The following XKR9 variants were observed in gnomAD, a reference collection of about 807,000 sequenced individuals.
XKR9 encodes XK related 9, also known as XK-related protein 9.
In XKR9, 32 loss-of-function variants were observed where a neutral mutation model predicts 32.0. The observed-to-expected ratio is 1.00, with a 90% CI of 0.76 to 1.34. The LOEUF (loss-of-function observed/expected upper bound fraction) is 1.34. XKR9 is among the 40% of genes most tolerant of loss of function. The probability of loss-of-function intolerance (pLI) is 0.00; values close to 1 mark genes in which losing one functional copy is unlikely to be tolerated. For missense variants in XKR9, 546 were observed against 429.7 expected, an observed-to-expected ratio of 1.27 and a Z score of -2.39; for synonymous variants, 168 against 143.4, an observed-to-expected ratio of 1.17 and a Z score of -1.22.
the XKR9 span, among the ~76,000 whole-genome samples, chr8:71,005,260 G>A: frequency 7.2e-5 from 9 of 124,476 alleles, no homozygotes; most frequent in East Asian, 2.2e-4. Context: ...TTCGCTCTTC[G>A]TGCCCAGGCT....
chr8:70,885,088 CT>C, the XKR9 span, among the ~76,000 whole-genome samples: 165 of 148,940 alleles, frequency 1.1e-3, no homozygotes, highest in African/African-American at 2.0e-3. Flanking sequence ...AGATCTTATA[CT>C]TTTTTTTTTC....
the XKR9 span, among the ~76,000 whole-genome samples, chr8:70,906,376 C>G: frequency 6.6e-6 from 1 of 152,158 alleles, no homozygotes; most frequent in African/African-American, 2.4e-5. Flanking sequence ...AATTTTTAGA[C>G]TTGAGGTTAG....
the XKR9 span, among the ~76,000 whole-genome samples, chr8:71,049,756 G>A: frequency 5.9e-5 from 9 of 152,134 alleles, no homozygotes; most frequent in Non-Finnish European, 7.4e-5. Flanking sequence ...GAAGAGCCTC[G>A]TTTAAGGAAC....
At chr8:70,806,649 A>G in the XKR9 span, among the ~76,000 whole-genome samples, 1 of 152,220 alleles carries the variant, frequency 6.6e-6, no homozygotes, top group African/African-American at 2.4e-5. Flanking sequence ...GAATTGACTG[A>G]GCAGAAGAAA....
In XKR9 at chr8:70,734,543, G is replaced by A; in HGVS notation, c.*119G>A. On this transcript the variant is annotated 3_prime_UTR_variant, in exon 5 of 5. Transcript: ENST00000408926. ...CCACCTTTAATTTGAAATTAGTTCA[G>A]TGAAATAGGAGATACATAGTAGTAT... is the stretch of plus-strand genomic sequence containing the variant. 5.4e-6 allele frequency: 7 copies of A among 1,296,182 alleles called. No homozygotes were observed. Among genetic ancestry groups the A allele is most frequent in the Non-Finnish European group, 6.0e-6 (6 of 1,004,720 alleles). The allele number at this position is 1,296,182 out of a possible 1,614,324, so 80.3% of individuals were successfully genotyped here.
chr8:70,671,055 A>G (rs1170370115), intron 1 of XKR9, among the ~76,000 whole-genome samples: 1 of 152,152 alleles, frequency 6.6e-6, no homozygotes, highest in East Asian at 1.9e-4. Context: ...TTATTTACTT[A>G]CAGGGTCTGG....
At chr8:70,706,881 C>T in intron 3 of XKR9, 52 bp from the exon 4 acceptor site, 1 of 1,416,334 alleles carries the variant, frequency 7.1e-7, no homozygotes, top group Non-Finnish European at 9.7e-7. Flanking sequence ...TATTAACAGA[C>T]ATGTTACAAA....
chr8:70,794,511 TGAGA>T (rs2130276675), downstream of XKR9, among the ~76,000 whole-genome samples: 2 of 152,234 alleles, frequency 1.3e-5, no homozygotes, highest in African/African-American at 4.8e-5. Flanking sequence ...TTTATTAGAT[TGAGA>T]AAGTTCTGTT....
chr8:70,943,284 G>A, the XKR9 span, among the ~76,000 whole-genome samples: 1 of 152,094 alleles, frequency 6.6e-6, no homozygotes, highest in South Asian at 2.1e-4. Flanking sequence ...TTTAACAATT[G>A]TTGGTCAAAT....
At chr8:70,728,084 T>TAAACTAG (rs965653667) in intron 4 of XKR9, among the ~76,000 whole-genome samples, 1 of 152,180 alleles carries the variant, frequency 6.6e-6, no homozygotes. Context: ...TATCTTTTTT[T>TAAACTAG]AAACTAGAAA....
the XKR9 span, among the ~76,000 whole-genome samples, chr8:71,022,032 AT>A: frequency 2.0e-5 from 3 of 152,166 alleles, no homozygotes; most frequent in African/African-American, 7.2e-5. Context: ...GTAGAGGTCC[AT>A]TTCCATTCTT....
the XKR9 span, among the ~76,000 whole-genome samples, chr8:70,998,516 A>G: frequency 4.6e-5 from 7 of 152,216 alleles, no homozygotes; most frequent in Non-Finnish European, 1.0e-4. Context: ...ATGTGAATCA[A>G]AATTTAGTTC....
the XKR9 span, among the ~76,000 whole-genome samples, chr8:70,859,155 C>CA: frequency 6.6e-6 from 1 of 151,798 alleles, no homozygotes. Context: ...AACTCAATAG[C>CA]AAAAAACCAA....
rs769796311 is a variant in XKR9 at position 70,734,360 on chromosome 8, G to A, written c.1058G>A (p.Cys353Tyr). ...CCAAACAGAAGTGCAGAAACAAAAT[G>A]TGATGAAATTGATGGAAAACCAGTT... is the stretch of plus-strand genomic sequence containing the variant. ...FHPNRSAETK[C>Y]DEIDGKPVLR... is the part of the protein sequence containing the mutation. Residue 353 changes from cysteine (C) to tyrosine (Y), a missense_variant, in exon 5 of 5, where the codon TGT becomes TAT. Cys to Tyr is a radical substitution (Grantham distance 194). Coordinates refer to ENST00000408926, the MANE Select transcript of XKR9 (RefSeq NM_001011720.2). 8.7e-6 allele frequency: 14 copies of A among 1,610,454 alleles called. No individual in the cohort carries two copies. In the African/African-American group the frequency reaches 1.1e-4, roughly 12 times the overall value.
chr8:70,739,827 C>T (rs532043849), downstream of XKR9, among the ~76,000 whole-genome samples: 6 of 152,154 alleles, frequency 3.9e-5, no homozygotes, highest in East Asian at 3.9e-4. Context: ...GAGTTTCTGC[C>T]GAGAGATCCG....
chr8:70,822,924 G>A, the XKR9 span, among the ~76,000 whole-genome samples: 1 of 152,084 alleles, frequency 6.6e-6, no homozygotes, highest in East Asian at 1.9e-4. Context: ...TAATCTTAAA[G>A]TCAAGAATAT....
the XKR9 span, among the ~76,000 whole-genome samples, chr8:70,910,500 T>C: frequency 1.3e-5 from 2 of 152,170 alleles, no homozygotes; most frequent in Non-Finnish European, 2.9e-5. Context: ...CAAATAGTTA[T>C]TTTTACTTAG....
At chr8:70,847,309 C>T in the XKR9 span, among the ~76,000 whole-genome samples, 1 of 151,844 alleles carries the variant, frequency 6.6e-6, no homozygotes, top group African/African-American at 2.4e-5. Context: ...AATGGAAACA[C>T]AATTTGCCAA....
At chr8:70,989,041 A>G in the XKR9 span, among the ~76,000 whole-genome samples, 2 of 152,156 alleles carry the variant, frequency 1.3e-5, no homozygotes, top group Non-Finnish European at 2.9e-5. Context: ...TATGTACAAC[A>G]CTTTCTTCAT....
Sources: allele counts gnomAD v4.1 joint callset (sites outside exome capture counted in the v4.1 genomes callset), GRCh38; gene constraint gnomAD v4.1.1; transcripts MANE v1.5; gene names NCBI Gene and HGNC (gene_info 2026-07-23, HGNC 2026-07-21).